The following FAAH2 variants were observed in gnomAD, a reference collection of about 807,000 sequenced individuals.
FAAH2 encodes the protein fatty-acid amide hydrolase 2.
In FAAH2, 60 loss-of-function variants were observed where a neutral mutation model predicts 36.9. That is an observed-to-expected ratio of 1.63 (90% CI 1.32 to 2.02). The LOEUF is 2.02. Among genes scored for constraint, FAAH2 ranks in the 30% most tolerant of loss-of-function variants. FAAH2 has a pLI of 0.00. For missense variants in FAAH2, 689 were observed against 397.5 expected (o/e 1.73, Z -6.23); for synonymous variants, 214 against 143.8 (o/e 1.49, Z -3.49).
At chrX:57,191,035 C>CT in the FAAH2 span, among the ~76,000 whole-genome samples, 5 of 111,432 alleles carry the variant, frequency 4.5e-5, no homozygotes, top group African/African-American at 1.6e-4. Flanking sequence ...GTATGGTAAC[C>CT]TATTTTTAGT....
At chrX:57,325,133 G>C (rs912800350) in intron 3 of FAAH2, among the ~76,000 whole-genome samples, 1 of 112,069 alleles carries the variant, frequency 8.9e-6, no homozygotes, top group Non-Finnish European at 1.9e-5. Context: ...TTATATGCTG[G>C]ATTGCATTTA....
chrX:57,204,319 G>A, the FAAH2 span, among the ~76,000 whole-genome samples: 1 of 110,997 alleles, frequency 9.0e-6, no homozygotes, highest in Non-Finnish European at 1.9e-5. Context: ...TAGAGTGATT[G>A]CATCCTGGCA....
chrX:57,301,177 G>A (rs1045843195), intron 2 of FAAH2, among the ~76,000 whole-genome samples: 2 of 109,184 alleles, frequency 1.8e-5, no homozygotes, highest in Non-Finnish European at 3.8e-5. Context: ...GTTTATTGCA[G>A]CACTATTCAC....
At chrX:57,303,518 G>A (rs1187715392) in intron 2 of FAAH2, among the ~76,000 whole-genome samples, 1 of 112,084 alleles carries the variant, frequency 8.9e-6, no homozygotes, top group African/African-American at 3.2e-5. Context: ...GCTCTTCTGT[G>A]CTAGGTACTG....
chrX:57,167,539 A>G, the FAAH2 span, among the ~76,000 whole-genome samples: 9 of 111,573 alleles, frequency 8.1e-5, no homozygotes. Flanking sequence ...CCACTTCTTA[A>G]CTTATATTGT....
rs187346262 is a variant in FAAH2 at position 57,413,728 on chromosome X, A to G, written c.997-18190A>G. 4.8e-4 allele frequency among the ~76,000 whole-genome samples: 53 copies of G among 111,262 alleles called. No homozygotes were observed. The East Asian group carries it at 0.015, about 31-fold the overall frequency. ...TTTGTTTCCATATAAAATTTAAAAT[A>G]TTTTCTAACTCTGTGAATAAAGTCA... On this transcript the variant is annotated intron_variant, in intron 7 of 10. Transcript: ENST00000374900.
intron 3 of FAAH2, among the ~76,000 whole-genome samples, chrX:57,318,525 A>G (rs1408915962): frequency 8.9e-6 from 1 of 112,043 alleles, no homozygotes; most frequent in Admixed American, 9.5e-5. Flanking sequence ...TTGAGGCAGT[A>G]ATTAATAGCC....
chrX:57,418,074 TC>T (rs1401199589), intron 7 of FAAH2, among the ~76,000 whole-genome samples: 1 of 110,776 alleles, frequency 9.0e-6, no homozygotes, highest in African/African-American at 3.3e-5. Flanking sequence ...TGGCCCTCCC[TC>T]CCCCCACCAT....
At chrX:57,176,225 C>A in the FAAH2 span, among the ~76,000 whole-genome samples, 1 of 110,247 alleles carries the variant, frequency 9.1e-6, no homozygotes, top group South Asian at 3.8e-4. Context: ...TTAGGTTTGG[C>A]CATTTTGTAT....
At chrX:57,481,340 G>A (rs767754805) in intron 10 of FAAH2, among the ~76,000 whole-genome samples, 1 of 111,249 alleles carries the variant, frequency 9.0e-6, no homozygotes, top group East Asian at 2.8e-4. Flanking sequence ...GGAATTTTCA[G>A]TGCTTTTGTG....
At chrX:57,458,554 G>A (rs936283864) in intron 10 of FAAH2, among the ~76,000 whole-genome samples, 3 of 111,977 alleles carry the variant, frequency 2.7e-5, no homozygotes, top group Non-Finnish European at 5.6e-5. Flanking sequence ...TGGCTGAATA[G>A]GAATAGCAGC....
chrX:57,262,949 G>A, the FAAH2 span, among the ~76,000 whole-genome samples: 28 of 110,918 alleles, frequency 2.5e-4, no homozygotes, highest in Non-Finnish European at 4.7e-4. Context: ...TCAGAATATA[G>A]GGGAGCTTTC....
chrX:57,180,123 G>C, the FAAH2 span, among the ~76,000 whole-genome samples: 2 of 111,821 alleles, frequency 1.8e-5, no homozygotes, highest in African/African-American at 6.5e-5. Context: ...GCAGTGTTAA[G>C]CAGTACATTT....
chrX:57,365,454 G>A (rs1360162665), intron 5 of FAAH2, among the ~76,000 whole-genome samples: 2 of 111,557 alleles, frequency 1.8e-5, no homozygotes, highest in Non-Finnish European at 3.8e-5. Flanking sequence ...TCCATTTGTA[G>A]GTGACATGCT....
chrX:57,464,042 G>T (rs1395508941), intron 10 of FAAH2, among the ~76,000 whole-genome samples: 1 of 111,972 alleles, frequency 8.9e-6, no homozygotes, highest in East Asian at 2.8e-4. Context: ...AGAAAATGTT[G>T]CACATATACA....
At position 57,310,588 on chromosome X, in the gene FAAH2, C is replaced by T; in HGVS notation, c.276-5C>T. The T allele has an allele frequency of 8.4e-7, 1 of 1,194,681 alleles. No individual in the cohort carries two copies. On this transcript the variant is annotated splice_polypyrimidine_tract_variant and splice_region_variant and intron_variant, in intron 2 of 10. Coordinates refer to ENST00000374900, the MANE Select transcript of FAAH2 (RefSeq NM_174912.4). Reference sequence around the variant, plus strand: ...TAAAGTTTGCATTGTTTTATTTCTTCTTAGGTTTGAGGAAGCGATGAAGGA... The same window carrying T: ...TAAAGTTTGCATTGTTTTATTTCTTTTTAGGTTTGAGGAAGCGATGAAGGA...
Position 57,403,604 on chromosome X carries a change from A to G in FAAH2, c.996+22575A>G, listed in dbSNP as rs1308208617. Reference sequence around the variant, plus strand: ...ACCTTTTGAGTCAGGATTGAGATAGAGTTTTTTGATTCTGTAAGTATTTTA... The same window carrying G: ...ACCTTTTGAGTCAGGATTGAGATAGGGTTTTTTGATTCTGTAAGTATTTTA... On this transcript the variant is annotated intron_variant, in intron 7 of 10. Coordinates refer to ENST00000374900, the MANE Select transcript of FAAH2 (RefSeq NM_174912.4). Among the ~76,000 whole-genome samples, 3 of 112,781 alleles carry G rather than the reference A, an allele frequency of 2.7e-5. No homozygotes were observed. The East Asian group carries it at 8.3e-4, about 31-fold the overall frequency.
chrX:57,172,231 T>G, the FAAH2 span, among the ~76,000 whole-genome samples: 1 of 112,029 alleles, frequency 8.9e-6, no homozygotes, highest in African/African-American at 3.2e-5. Context: ...CTTGGCTTTT[T>G]GGGTTGTTTT....
the FAAH2 span, among the ~76,000 whole-genome samples, chrX:57,240,322 G>A: frequency 9.0e-6 from 1 of 111,607 alleles, no homozygotes; most frequent in African/African-American, 3.3e-5. Flanking sequence ...ACTGGGCTGT[G>A]TAATTTAACC....
Sources: gnomAD v4.1 joint callset for allele counts (sites outside exome capture counted in the v4.1 genomes callset) on GRCh38, gnomAD v4.1.1 for gene constraint, MANE v1.5 for transcripts, NCBI Gene and HGNC (gene_info 2026-07-23, HGNC 2026-07-21) for gene names.